Variants in KDM4C observed in about 807,000 individuals in gnomAD.
KDM4C encodes lysine demethylase 4C, also known as lysine-specific demethylase 4C.
A neutral mutation model predicts 129.3 loss-of-function variants in KDM4C; 81 were observed. The ratio of observed to expected loss-of-function variants is 0.63; its 90% CI spans 0.52 to 0.75. The LOEUF is 0.75. KDM4C is among the 30% of genes least tolerant of loss of function. KDM4C has a pLI of 0.00. For missense variants in KDM4C, 1,457 were observed against 1,304.0 expected (o/e 1.12, Z -1.81); for synonymous variants, 573 against 456.1 (o/e 1.26, Z -3.26).
At chr9:6,926,824 G>C (rs1000584060) in intron 8 of KDM4C, among the ~76,000 whole-genome samples, 10 of 152,206 alleles carry the variant, frequency 6.6e-5, no homozygotes, top group African/African-American at 2.4e-4. Flanking sequence ...CTTATGGCTT[G>C]TAGTTCAGCA....
intron 20 of KDM4C, among the ~76,000 whole-genome samples, chr9:7,167,997 C>T (rs1042744468): frequency 1.3e-5 from 2 of 152,090 alleles, no homozygotes; most frequent in Non-Finnish European, 2.9e-5. Context: ...GCCTCGCCAA[C>T]GTGGTGCAAC....
chr9:6,843,584 C>A (rs187095826), intron 4 of KDM4C, among the ~76,000 whole-genome samples: 1 of 152,270 alleles, frequency 6.6e-6, no homozygotes, highest in African/African-American at 2.4e-5. Context: ...ATTTGCAGCA[C>A]TGAACCCTGG....
chr9:7,152,960 A>AG (rs1227964528), intron 19 of KDM4C, among the ~76,000 whole-genome samples: 1 of 152,260 alleles, frequency 6.6e-6, no homozygotes, highest in African/African-American at 2.4e-5. Flanking sequence ...TTAGAAGTAC[A>AG]GGGAAAAAAC....
chr9:7,101,177 C>G (rs1587643199), intron 17 of KDM4C, among the ~76,000 whole-genome samples: 2 of 152,288 alleles, frequency 1.3e-5, no homozygotes, highest in East Asian at 3.9e-4. Context: ...CATGCCTATT[C>G]ATGTTATTCT....
intron 17 of KDM4C, among the ~76,000 whole-genome samples, chr9:7,064,894 C>T (rs142753610): frequency 1.3e-5 from 2 of 152,256 alleles, no homozygotes; most frequent in East Asian, 1.9e-4. Flanking sequence ...TCTATCACCC[C>T]ATTCCCCTTT....
At chr9:7,074,247 G>A (rs1833602180) in intron 17 of KDM4C, among the ~76,000 whole-genome samples, 1 of 151,806 alleles carries the variant, frequency 6.6e-6, no homozygotes, top group Admixed American at 6.6e-5. Flanking sequence ...CACTGCAACC[G>A]CTGTCTCTTG....
intron 17 of KDM4C, among the ~76,000 whole-genome samples, chr9:7,058,752 T>C (rs765112016): frequency 1.2e-4 from 19 of 152,242 alleles, no homozygotes; most frequent in Admixed American, 2.6e-4. Flanking sequence ...CGATAGGAAA[T>C]ACTTAGAAAG....
chr9:6,776,774 G>A (rs59274888), intron 1 of KDM4C, among the ~76,000 whole-genome samples: 14,580 of 151,332 alleles, frequency 0.096, 819 homozygotes, highest in Non-Finnish European at 0.11. Flanking sequence ...GGTAATTTTT[G>A]TGTTATTTTT....
At chr9:7,147,245 T>A (rs983604367) in intron 19 of KDM4C, among the ~76,000 whole-genome samples, 1 of 152,218 alleles carries the variant, frequency 6.6e-6, no homozygotes, top group Non-Finnish European at 1.5e-5. Flanking sequence ...AAGCAGTACA[T>A]GCATCACTTC....
Position 7,035,435 on chromosome 9 carries a change from T to TGAA in KDM4C, c.2260-11427_2260-11426insGAA, listed in dbSNP as rs1827475316. The stretch of plus-strand genomic sequence containing the variant: ...TTTGCAAATATTTTTTCCCATTCTG[T>TGAA]AGTTCTTCTTTTCACTCTATTATTT... On this transcript the variant is annotated intron_variant, in intron 15 of 21. Transcript: ENST00000381309. Among the ~76,000 whole-genome samples, 2 of 150,820 alleles carry TGAA rather than the reference T, an allele frequency of 1.3e-5. 1 individual carries two copies. Among genetic ancestry groups the TGAA allele is most frequent in the Non-Finnish European group, 3.0e-5 (2 of 67,744 alleles).
intron 19 of KDM4C, among the ~76,000 whole-genome samples, chr9:7,142,476 G>A (rs925443091): frequency 6.6e-6 from 1 of 152,092 alleles, no homozygotes; most frequent in Non-Finnish European, 1.5e-5. Flanking sequence ...TCATGAACCA[G>A]TGTAGAGGCT....
chr9:7,045,750 G>A (rs939706715), intron 15 of KDM4C, among the ~76,000 whole-genome samples: 14 of 152,026 alleles, frequency 9.2e-5, no homozygotes, highest in African/African-American at 3.4e-4. Flanking sequence ...ACACAAACCT[G>A]TTGGACATTT....
chr9:7,030,828 C>T (rs74631254), intron 15 of KDM4C, among the ~76,000 whole-genome samples: 10 of 152,142 alleles, frequency 6.6e-5, no homozygotes, highest in Non-Finnish European at 8.8e-5. Context: ...TTTTGGATGA[C>T]TATTGCCATG....
At chr9:6,871,783 A>C (rs1319858186) in intron 5 of KDM4C, among the ~76,000 whole-genome samples, 3 of 152,232 alleles carry the variant, frequency 2.0e-5, no homozygotes, top group Non-Finnish European at 4.4e-5. Flanking sequence ...AAGGTAGATG[A>C]AAATGGATAG....
At chr9:6,983,156 A>G (rs761315359) in intron 9 of KDM4C, among the ~76,000 whole-genome samples, 2 of 152,186 alleles carry the variant, frequency 1.3e-5, no homozygotes, top group African/African-American at 2.4e-5. Context: ...TAGCAGTGAA[A>G]GCTAATTTAT....
At chr9:7,014,287 G>T in intron 14 of KDM4C, 2 of 291,628 alleles carry the variant, frequency 6.9e-6, no homozygotes, top group Non-Finnish European at 6.4e-6. Context: ...TCACATGTTT[G>T]GATTTTACTT....
At chr9:7,098,023 A>G (rs1053619546) in intron 17 of KDM4C, among the ~76,000 whole-genome samples, 1 of 152,248 alleles carries the variant, frequency 6.6e-6, no homozygotes. Flanking sequence ...CTTGTAATGT[A>G]TCTGTTGATC....
At chr9:6,835,973 T>A (rs1001150978) in intron 4 of KDM4C, among the ~76,000 whole-genome samples, 6 of 152,172 alleles carry the variant, frequency 3.9e-5, no homozygotes, top group Admixed American at 1.3e-4. Flanking sequence ...GTAATGCAAA[T>A]TTTTTTAAAT....
chr9:7,110,384 T>C (rs1468016584), intron 18 of KDM4C, among the ~76,000 whole-genome samples: 1 of 152,204 alleles, frequency 6.6e-6, no homozygotes, highest in Non-Finnish European at 1.5e-5. Context: ...AGGGTTCATG[T>C]TGATATATCC....
Sources: allele counts gnomAD v4.1 joint callset (sites outside exome capture counted in the v4.1 genomes callset), GRCh38; gene constraint gnomAD v4.1.1; transcripts MANE v1.5; gene names NCBI Gene and HGNC (gene_info 2026-07-23, HGNC 2026-07-21).